KCNMA1: variants seen among roughly 807,000 people sequenced by gnomAD.
KCNMA1 encodes potassium calcium-activated channel subfamily M alpha 1.
Under a neutral mutation model 140.0 loss-of-function variants are expected in KCNMA1, and 29 were observed. The observed-to-expected ratio is 0.21, with a 90% CI of 0.15 to 0.28. KCNMA1 has a LOEUF of 0.28. Ranked by LOEUF, KCNMA1 falls within the 10% of genes least tolerant of loss-of-function variation. KCNMA1 has a pLI of 1.00. For synonymous variants in KCNMA1, 612 were observed against 611.9 expected (o/e 1.00, Z 0.00); for missense variants, 880 against 1,602.2 (o/e 0.55, Z 7.70).
intron 2 of KCNMA1, among the ~76,000 whole-genome samples, chr10:77,346,376 C>CT (rs1257910307): frequency 6.6e-6 from 1 of 152,158 alleles, no homozygotes; most frequent in Non-Finnish European, 1.5e-5. Flanking sequence ...TAATCTTGCC[C>CT]TCTCACTGGC....
At chr10:77,513,974 C>T (rs1270974589) in intron 1 of KCNMA1, among the ~76,000 whole-genome samples, 1 of 152,230 alleles carries the variant, frequency 6.6e-6, no homozygotes, top group African/African-American at 2.4e-5. Context: ...ACTCCTCCAG[C>T]GGGCGGGACT....
chr10:77,091,751 G>A (rs1392105523), intron 9 of KCNMA1: 1 of 152,214 alleles, frequency 6.6e-6, no homozygotes, highest in Non-Finnish European at 1.5e-5. Context: ...ATTCCACTAA[G>A]GCAGAAAGCT....
chr10:77,150,660 A>T (rs1459615077), intron 5 of KCNMA1, among the ~76,000 whole-genome samples: 1 of 152,392 alleles, frequency 6.6e-6, no homozygotes, highest in South Asian at 2.1e-4. Flanking sequence ...CACATGGCAG[A>T]AGTGCATAAA....
intron 1 of KCNMA1, among the ~76,000 whole-genome samples, chr10:77,411,853 G>A (rs2096626838): frequency 6.6e-6 from 1 of 152,210 alleles, no homozygotes; most frequent in Admixed American, 6.5e-5. Context: ...TTGGAAATGA[G>A]CGTGGCCAAG....
chr10:77,023,823 T>G (rs141154685), intron 16 of KCNMA1, among the ~76,000 whole-genome samples: 1,612 of 152,204 alleles, frequency 0.011, 9 homozygotes, highest in Non-Finnish European at 0.018. Context: ...CACTTTTACT[T>G]TAGGATACCA....
intron 27 of KCNMA1, chr10:76,887,951 G>A (rs778355810): frequency 3.5e-4 from 65 of 183,826 alleles, no homozygotes; most frequent in Non-Finnish European, 5.5e-4. Context: ...GACTATTCTC[G>A]CTCTTTACCT....
intron 2 of KCNMA1, among the ~76,000 whole-genome samples, chr10:77,281,591 G>A (rs922089077): frequency 9.9e-5 from 15 of 152,136 alleles, no homozygotes; most frequent in Non-Finnish European, 1.9e-4. Context: ...GATCCAATAC[G>A]ATTGAGGAAA....
chr10:77,231,150 T>C (rs1340709728), intron 3 of KCNMA1, among the ~76,000 whole-genome samples: 2 of 152,168 alleles, frequency 1.3e-5, no homozygotes, highest in Non-Finnish European at 2.9e-5. Context: ...GAAATGACAT[T>C]TTCCTCTCCT....
At chr10:76,995,362 G>C (rs764003750) in intron 19 of KCNMA1, 2 of 348,558 alleles carry the variant, frequency 5.7e-6, no homozygotes, top group South Asian at 2.3e-5. Context: ...AGCCTAAGGC[G>C]CTGCAAACTC....
chr10:77,129,508 C>G (rs80243901), intron 5 of KCNMA1, among the ~76,000 whole-genome samples: 3,517 of 152,122 alleles, frequency 0.023, 142 homozygotes, highest in African/African-American at 0.081. Context: ...AGCACACTAC[C>G]AGTCTATTTA....
intron 1 of KCNMA1, among the ~76,000 whole-genome samples, chr10:77,430,183 C>G (rs1353851461): frequency 1.3e-5 from 2 of 152,170 alleles, no homozygotes; most frequent in African/African-American, 4.8e-5. Context: ...CCCCAGGTAG[C>G]CTCTCTCACC....
At chr10:77,636,337 T>G in intron 1 of KCNMA1, 1 of 1,527,390 alleles carries the variant, frequency 6.5e-7, no homozygotes, top group Non-Finnish European at 8.8e-7. Context: ...CAACCATACA[T>G]CGAAGGTGTC....
At chr10:77,340,660 A>G (rs911573342) in intron 2 of KCNMA1, among the ~76,000 whole-genome samples, 2 of 149,816 alleles carry the variant, frequency 1.3e-5, no homozygotes, top group South Asian at 2.2e-4. Context: ...GAATTGAACA[A>G]TGAGAACACT....
chr10:77,440,667 A>G lies in KCNMA1; in HGVS notation c.379-36644T>C, dbSNP rs185432975. ...CAAAATTGCTCTAACGGTCCAGAAA[A>G]GGGGAGGAAAAAAACCCCTCTACCG... On this transcript the variant is annotated intron_variant, in intron 1 of 27. Transcript: ENST00000286628. 7.7e-4 allele frequency among the ~76,000 whole-genome samples: 117 copies of G among 152,346 alleles called. 1 individual carries two copies. The highest frequency in any genetic ancestry group is 2.7e-3 in the African/African-American group (113 of 41,586).
rs189920844 is a variant in KCNMA1, at chr10:77,106,510, C to A, written c.1223+1971G>T. On this transcript the variant is annotated intron_variant, in intron 9 of 27. Transcript: ENST00000286628. ...GCCTCCAGCCCACCCACCAGCTCAC[C>A]CACATTTGACTAGGAAAATTATTTC... Among the ~76,000 whole-genome samples the A allele has an allele frequency of 8.5e-4, 128 of 149,982 alleles. No homozygotes were observed. The South Asian group carries it at 0.012, about 14-fold the overall frequency.
At chr10:77,076,682 T>C (rs1394168067) in intron 13 of KCNMA1, among the ~76,000 whole-genome samples, 5 of 152,200 alleles carry the variant, frequency 3.3e-5, no homozygotes, top group African/African-American at 4.8e-5. Context: ...AATGCACAGA[T>C]GGTCCAACGA....
At chr10:77,543,013 C>G (rs2060534775) in intron 1 of KCNMA1, among the ~76,000 whole-genome samples, 1 of 25,288 alleles carries the variant, frequency 4.0e-5, no homozygotes, top group Non-Finnish European at 6.3e-5. Flanking sequence ...AAGACTCTCT[C>G]TCTTTCTCTC....
chr10:77,156,414 GACA>G (rs1284731779), intron 5 of KCNMA1, among the ~76,000 whole-genome samples: 3 of 152,108 alleles, frequency 2.0e-5, no homozygotes, highest in Non-Finnish European at 4.4e-5. Context: ...GCAAAATTAT[GACA>G]ACAAGAGAAA....
intron 1 of KCNMA1, among the ~76,000 whole-genome samples, chr10:77,438,237 CA>C (rs1363374497): frequency 6.6e-6 from 1 of 151,992 alleles, no homozygotes; most frequent in Admixed American, 6.6e-5. Context: ...ACTAGACTTT[CA>C]TGTGGGCTCT....
Sources: allele counts gnomAD v4.1 joint callset (sites outside exome capture counted in the v4.1 genomes callset), GRCh38; gene constraint gnomAD v4.1.1; transcripts MANE v1.5; gene names NCBI Gene and HGNC (gene_info 2026-07-23, HGNC 2026-07-21).